The following DACH1 variants were observed in gnomAD, a reference collection of about 807,000 sequenced individuals.
The protein encoded by DACH1 is dachshund family transcription factor 1.
A neutral mutation model predicts 54.2 loss-of-function variants in DACH1; 12 were observed. The observed-to-expected ratio is 0.22, with a 90% CI of 0.14 to 0.36. The LOEUF (loss-of-function observed/expected upper bound fraction) is 0.36. Ranked by LOEUF, DACH1 falls within the 10% of genes least tolerant of loss-of-function variation. The probability of loss-of-function intolerance (pLI) is 1.00; values close to 1 mark genes in which losing one functional copy is unlikely to be tolerated. For missense variants in DACH1, 805 were observed against 929.8 expected (o/e 0.87, Z 1.75); for synonymous variants, 386 against 366.2 (o/e 1.05, Z -0.62).
chr13:71,571,471 T>A (rs1566349775), intron 4 of DACH1, among the ~76,000 whole-genome samples: 1 of 152,134 alleles, frequency 6.6e-6, no homozygotes, highest in Non-Finnish European at 1.5e-5. Flanking sequence ...ATATCCCTCT[T>A]AGAGAAGAGT....
chr13:71,791,367 T>C (rs1375769419), intron 1 of DACH1, among the ~76,000 whole-genome samples: 1 of 152,080 alleles, frequency 6.6e-6, no homozygotes, highest in African/African-American at 2.4e-5. Context: ...TCTTTGTTTG[T>C]TTGTTTGGTT....
chr13:71,483,877 C>G (rs1453411946), intron 7 of DACH1, among the ~76,000 whole-genome samples: 1 of 152,006 alleles, frequency 6.6e-6, no homozygotes, highest in Non-Finnish European at 1.5e-5. Flanking sequence ...AGCCTAGGAG[C>G]AATAGGGTAT....
intron 1 of DACH1, among the ~76,000 whole-genome samples, chr13:71,823,219 A>C (rs572340529): frequency 7.9e-5 from 12 of 152,264 alleles, no homozygotes; most frequent in South Asian, 2.1e-4. Context: ...ATAAGACAGC[A>C]AAATTATTCA....
At chr13:71,744,781 A>T (rs541360638) in intron 1 of DACH1, among the ~76,000 whole-genome samples, 1 of 152,236 alleles carries the variant, frequency 6.6e-6, no homozygotes, top group Non-Finnish European at 1.5e-5. Context: ...AGGAACTTCT[A>T]TAATTGTTTT....
intron 7 of DACH1, among the ~76,000 whole-genome samples, chr13:71,486,788 A>T (rs529558680): frequency 7.1e-6 from 1 of 141,720 alleles, no homozygotes; most frequent in Non-Finnish European, 1.5e-5. Flanking sequence ...CGGACAAGCT[A>T]AATTAATTAA....
chr13:71,862,047 G>T (rs1322839002), intron 1 of DACH1, among the ~76,000 whole-genome samples: 1 of 151,418 alleles, frequency 6.6e-6, no homozygotes, highest in African/African-American at 2.4e-5. Flanking sequence ...TAAGACAAAA[G>T]AATTCTGTTT....
chr13:71,479,686 T>C (rs1877868310), intron 7 of DACH1, among the ~76,000 whole-genome samples: 1 of 152,146 alleles, frequency 6.6e-6, no homozygotes, highest in Non-Finnish European at 1.5e-5. Context: ...CCACAAGTAA[T>C]TATCTGACAT....
intron 1 of DACH1, among the ~76,000 whole-genome samples, chr13:71,842,630 G>A (rs2138239724): frequency 6.6e-6 from 1 of 151,906 alleles, no homozygotes; most frequent in African/African-American, 2.4e-5. Context: ...AGAGTAATGT[G>A]ACAAGTAGAG....
chr13:71,680,944 T>C (rs1299722502), intron 2 of DACH1, among the ~76,000 whole-genome samples: 1 of 152,082 alleles, frequency 6.6e-6, no homozygotes, highest in Non-Finnish European at 1.5e-5. Flanking sequence ...TCTTGCCTGA[T>C]TACCTTTCTT....
intron 1 of DACH1, among the ~76,000 whole-genome samples, chr13:71,816,226 G>T (rs1887916936): frequency 6.6e-6 from 1 of 152,038 alleles, no homozygotes; most frequent in Non-Finnish European, 1.5e-5. Flanking sequence ...CACAGTCAGG[G>T]GTTTCTTTGG....
At chr13:71,774,325 G>A (rs1329510197) in intron 1 of DACH1, among the ~76,000 whole-genome samples, 1 of 152,096 alleles carries the variant, frequency 6.6e-6, no homozygotes, top group East Asian at 1.9e-4. Context: ...ATCTGGTCAT[G>A]TCTATATTTC....
At chr13:71,781,860 T>C (rs1358300916) in intron 1 of DACH1, among the ~76,000 whole-genome samples, 1 of 152,218 alleles carries the variant, frequency 6.6e-6, no homozygotes, top group African/African-American at 2.4e-5. Context: ...TATTTCTGTT[T>C]TCTGACACAC....
At chr13:71,677,285 G>T (rs1880632226) in intron 2 of DACH1, among the ~76,000 whole-genome samples, 1 of 152,208 alleles carries the variant, frequency 6.6e-6, no homozygotes. Context: ...CAAAATAAAT[G>T]CAGTGACCAC....
chr13:71,559,724 T>C, intron 5 of DACH1, 96 bp downstream of exon 5: 2 of 1,483,972 alleles, frequency 1.3e-6, no homozygotes, highest in Non-Finnish European at 1.9e-6. Flanking sequence ...ACATGATCCA[T>C]CTGAGATCTA....
At chr13:71,851,857 T>G (rs1197599897) in intron 1 of DACH1, among the ~76,000 whole-genome samples, 1 of 152,152 alleles carries the variant, frequency 6.6e-6, no homozygotes, top group East Asian at 1.9e-4. Flanking sequence ...AATTTTTAGT[T>G]TGAGACCCCA....
intron 10 of DACH1, among the ~76,000 whole-genome samples, chr13:71,467,914 T>C (rs979260669): frequency 1.3e-5 from 2 of 152,188 alleles, no homozygotes; most frequent in Non-Finnish European, 1.5e-5. Context: ...TATTTCTAAA[T>C]GACTAATCAA....
chr13:71,478,299 G>A (rs973383474), intron 8 of DACH1, among the ~76,000 whole-genome samples: 1 of 152,088 alleles, frequency 6.6e-6, no homozygotes, highest in African/African-American at 2.4e-5. Context: ...CCAACTTCCA[G>A]GAATACACTA....
intron 1 of DACH1, among the ~76,000 whole-genome samples, chr13:71,771,766 C>G (rs1885861522): frequency 6.7e-6 from 1 of 150,136 alleles, no homozygotes; most frequent in Non-Finnish European, 1.5e-5. Flanking sequence ...ATATCCATAT[C>G]ATTACACACA....
chr13:71,578,865 C>T (rs566947687), intron 3 of DACH1, among the ~76,000 whole-genome samples: 5 of 152,236 alleles, frequency 3.3e-5, no homozygotes, highest in Admixed American at 2.6e-4. Flanking sequence ...AAAAAAAGAA[C>T]TGGTTGTCTT....
Sources: gnomAD v4.1 joint callset for allele counts (sites outside exome capture counted in the v4.1 genomes callset) on GRCh38, gnomAD v4.1.1 for gene constraint, MANE v1.5 for transcripts, NCBI Gene and HGNC (gene_info 2026-07-23, HGNC 2026-07-21) for gene names.